The following ATAD2 variants were observed in gnomAD, a reference collection of about 807,000 sequenced individuals.
ATAD2 encodes ATPase family AAA domain containing 2.
A neutral mutation model predicts 168.9 loss-of-function variants in ATAD2; 62 were observed. The observed-to-expected ratio is 0.37, with a 90% CI of 0.30 to 0.45. ATAD2 has a LOEUF of 0.45. Ranked by LOEUF, ATAD2 falls within the 20% of genes least tolerant of loss-of-function variation. The probability of loss-of-function intolerance (pLI) is 1.00; values close to 1 mark genes in which losing one functional copy is unlikely to be tolerated. For missense variants in ATAD2, 1,419 were observed against 1,667.8 expected, an observed-to-expected ratio of 0.85 and a Z score of 2.60; for synonymous variants, 613 against 571.6, an observed-to-expected ratio of 1.07 and a Z score of -1.03.
chr8:123,376,817 G>T (rs182631458), intron 2 of ATAD2, among the ~76,000 whole-genome samples: 1 of 151,904 alleles, frequency 6.6e-6, no homozygotes, highest in Non-Finnish European at 1.5e-5. Flanking sequence ...ATGAGGCAGG[G>T]TGTGGTGGCT....
intron 13 of ATAD2, chr8:123,352,730 ACAAAAACAAAAT>A (rs565611625): frequency 6.6e-6 from 1 of 151,404 alleles, no homozygotes; most frequent in African/African-American, 2.4e-5. Flanking sequence ...AAAAAAAACA[ACAAAAACAAAAT>A]CAAAAACAAC....
chr8:123,376,031 G>A (rs1471000086), intron 2 of ATAD2, among the ~76,000 whole-genome samples: 1 of 151,762 alleles, frequency 6.6e-6, no homozygotes, highest in Non-Finnish European at 1.5e-5. Context: ...CTTGAACCTG[G>A]GAGGCGAAGG....
At chr8:123,396,078 C>A (rs1812810400) in intron 1 of ATAD2, 109 bp downstream of exon 1, 2 of 1,245,232 alleles carry the variant, frequency 1.6e-6, no homozygotes, top group South Asian at 3.2e-5. Flanking sequence ...TCTCCCCCGA[C>A]AACTGTCACC....
In ATAD2 at chr8:123,386,193, G is replaced by A. The variant is rs529205435; in HGVS notation, c.172-5516C>T. 9.2e-5 allele frequency among the ~76,000 whole-genome samples: 14 copies of A among 152,242 alleles called. 1 individual carries two copies. The South Asian group carries it at 2.1e-3, about 23-fold the overall frequency. On this transcript the variant is annotated intron_variant, in intron 1 of 27. Transcript: ENST00000287394. ...CTTTTGGGTATACACTCAAAGAAGC[G>A]AATGCAGGGACTTGCACAAATATTT...
chr8:123,413,535 T>A (rs1254311073), intron 1 of ATAD2, among the ~76,000 whole-genome samples: 1 of 152,138 alleles, frequency 6.6e-6, no homozygotes, highest in African/African-American at 2.4e-5. Flanking sequence ...GAAATCCTAG[T>A]GTTACTTATC....
In ATAD2 at chr8:123,327,814, T is replaced by C. The variant is rs540215574; in HGVS notation, c.3868+376A>G. Among the ~76,000 whole-genome samples the C allele has an allele frequency of 2.0e-5, 3 of 152,320 alleles. No homozygotes were observed. The South Asian group carries it at 6.2e-4, about 32-fold the overall frequency. ...CAGCAAGAATCATAGCAGACTCTTA[T>C]CTTGCTTAAAAATGAAAGGGTATCA... is the stretch of plus-strand genomic sequence containing the variant. On this transcript the variant is annotated intron_variant, in intron 25 of 27. Transcript: ENST00000287394.
In ATAD2 at chr8:123,349,386, C is replaced by T. The variant is rs1828373140; in HGVS notation, c.1705G>A (p.Val569Met). Residue 569 changes from valine (V) to methionine (M), a missense_variant, in exon 14 of 28, where the codon GTG becomes ATG. Val to Met is a conservative substitution (Grantham distance 21, BLOSUM62 1). Around this residue, in one of 5 missense-constraint regions of ATAD2, gnomAD observed 545 missense variants for 724.9 expected, o/e 0.75. Transcript: ENST00000287394. ...AGCCTGTTCGTAGCACCAATGACCA[C>T]AATTTCCCCTCTGCTGTCCAATCCA... ...MDGLDSRGEI[V>M]VIGATNRLDS... 4 of 1,614,094 alleles carry T rather than the reference C, an allele frequency of 2.5e-6. No individual in the cohort carries two copies. Among genetic ancestry groups the T allele is most frequent in the Non-Finnish European group, 3.4e-6 (4 of 1,180,006 alleles).
intron 1 of ATAD2, among the ~76,000 whole-genome samples, chr8:123,393,237 G>A (rs569736130): frequency 1.3e-5 from 2 of 151,836 alleles, no homozygotes; most frequent in African/African-American, 4.8e-5. Context: ...TTGGTGGGGC[G>A]TGGTGGTTCA....
intron 6 of ATAD2, among the ~76,000 whole-genome samples, chr8:123,370,563 G>A (rs909262750): frequency 6.6e-6 from 1 of 152,062 alleles, no homozygotes; most frequent in South Asian, 2.1e-4. Context: ...CTTAAGATAA[G>A]TTCTAATAGA....
At position 123,334,302 on chromosome 8, in the gene ATAD2, C is replaced by A; in HGVS notation, c.3232G>T (p.Ala1078Ser). 6.4e-7 allele frequency: 1 copy of A among 1,571,396 alleles called. No individual in the cohort carries two copies. The highest frequency in any genetic ancestry group is 8.6e-7 in the Non-Finnish European group (1 of 1,167,512). The part of the protein sequence containing the change: ...DPGDRLIRHR[A>S]CALRDTAYAI... ...TAGGCAGTATCTCTTAAAGCACAGGCTCTATGCCTAATAAGACGATCTATG... is the reference window on the plus strand; with the variant it reads ...TAGGCAGTATCTCTTAAAGCACAGGATCTATGCCTAATAAGACGATCTATG... Residue 1078 changes from alanine (A) to serine (S), a missense_variant, in exon 23 of 28, where the codon GCC (alanine) becomes TCC (serine). By Grantham distance (99) the Ala-to-Ser change is moderately conservative (BLOSUM62 1). Around this residue, in one of 5 missense-constraint regions of ATAD2, gnomAD observed 545 missense variants for 724.9 expected, o/e 0.75. Transcript: ENST00000287394.
chr8:123,399,548 T>G (rs940847921), upstream of ATAD2, among the ~76,000 whole-genome samples: 4 of 151,942 alleles, frequency 2.6e-5, no homozygotes, highest in Non-Finnish European at 5.9e-5. Context: ...GAGAGAAACA[T>G]ACAGTGGACT....
chr8:123,350,211 C>T (rs1481726078), intron 13 of ATAD2, among the ~76,000 whole-genome samples: 1 of 152,060 alleles, frequency 6.6e-6, no homozygotes. Context: ...AAAATGATCT[C>T]CAAATTTCCA....
In ATAD2 at chr8:123,348,287, C is replaced by T; in HGVS notation, c.1807-14G>A. The T allele has an allele frequency of 6.6e-7, 1 of 1,521,002 alleles. No individual in the cohort carries two copies. Among genetic ancestry groups the T allele is most frequent in the Non-Finnish European group, 8.9e-7 (1 of 1,118,628 alleles). 94.2% of individuals were successfully genotyped at this position (1,521,002 alleles called of 1,614,324 possible). A position where few individuals can be genotyped will look rare whatever the true frequency, so the allele number is the denominator to read the frequency against. The stretch of plus-strand genomic sequence containing the variant: ...CTCTTTTCGAGCCTATGAATAAAAA[C>T]AATTTAATTTTTTACAACTATAATA... On this transcript the variant is annotated splice_polypyrimidine_tract_variant and intron_variant, in intron 14 of 27. Transcript: ENST00000287394.
intron 13 of ATAD2, among the ~76,000 whole-genome samples, 157 bp from the exon 14 acceptor site, chr8:123,349,601 T>C (rs551452053): frequency 6.6e-6 from 1 of 152,108 alleles, no homozygotes; most frequent in Non-Finnish European, 1.5e-5. Context: ...ATCTATAAAA[T>C]AACATCCCAA....
chr8:123,347,790 G>A (rs1378472666), intron 15 of ATAD2, among the ~76,000 whole-genome samples: 1 of 152,062 alleles, frequency 6.6e-6, no homozygotes, highest in Non-Finnish European at 1.5e-5. Flanking sequence ...TACATCACAG[G>A]AATGATGTGA....
At chr8:123,324,202 C>T (rs1289905231) in intron 26 of ATAD2, among the ~76,000 whole-genome samples, 2 of 152,128 alleles carry the variant, frequency 1.3e-5, no homozygotes, top group Non-Finnish European at 2.9e-5. Flanking sequence ...GAAGTGTAGA[C>T]ATCAAGTTCT....
intron 19 of ATAD2, among the ~76,000 whole-genome samples, chr8:123,341,367 C>T (rs16898246): frequency 0.039 from 5,905 of 152,224 alleles, 394 homozygotes; most frequent in African/African-American, 0.13. Context: ...CCTAGTTTGT[C>T]TTACTTGTTA....
intron 9 of ATAD2, among the ~76,000 whole-genome samples, chr8:123,359,902 A>G (rs1017018549): frequency 2.6e-5 from 4 of 152,246 alleles, no homozygotes; most frequent in African/African-American, 7.2e-5. Context: ...GAAATTAAAG[A>G]CATATAATCA....
chr8:123,324,812 A>G (rs1013770146), intron 26 of ATAD2, among the ~76,000 whole-genome samples: 3 of 152,176 alleles, frequency 2.0e-5, no homozygotes, highest in African/African-American at 7.2e-5. Context: ...AATTGAATTT[A>G]GGGGAACAGG....
Sources: gnomAD v4.1 joint callset for allele counts (sites outside exome capture counted in the v4.1 genomes callset) on GRCh38, gnomAD v4.1.1 for gene constraint, gnomAD v4.1.1 regional missense constraint, MANE v1.5 for transcripts, NCBI Gene and HGNC (gene_info 2026-07-23, HGNC 2026-07-21) for gene names.